FBXO44: variants seen among roughly 807,000 people sequenced by gnomAD.
FBXO44 encodes F-box protein 44.
FBXO44 carries 25 observed loss-of-function variants against 33.5 expected under a neutral mutation model. The observed-to-expected ratio is 0.75, with a 90% CI of 0.54 to 1.04. FBXO44 has a LOEUF of 1.04. Ranked by LOEUF, FBXO44 falls within the 50% of genes least tolerant of loss-of-function variation. The pLI is 0.00. For missense variants in FBXO44, 311 were observed against 344.0 expected, an observed-to-expected ratio of 0.90 and a Z score of 0.76; for synonymous variants, 147 against 152.8, an observed-to-expected ratio of 0.96 and a Z score of 0.28.
chr1:11,656,124 A>C (rs756677016), intron 2 of FBXO44, 24 bp downstream of exon 2: 3 of 1,610,494 alleles, frequency 1.9e-6, no homozygotes, highest in Non-Finnish European at 2.5e-6. Context: ...CGGGTCTGGC[A>C]TGCCTCCAGT....
intron 1 of FBXO44, 77 bp from the exon 2 acceptor site, chr1:11,655,729 A>C (rs1429639527): frequency 1.4e-6 from 2 of 1,480,242 alleles, no homozygotes; most frequent in Non-Finnish European, 1.8e-6. Context: ...AGAAGGAAAC[A>C]GGCTGGGAGA....
rs1010736670 is a variant in FBXO44 at position 11,662,801 on chromosome 1, C to T, written c.*1528C>T. The T allele has an allele frequency of 1.3e-5, 2 of 152,172 alleles. No individual in the cohort carries two copies. Among genetic ancestry groups the T allele is most frequent in the Non-Finnish European group, 2.9e-5 (2 of 68,056 alleles). The allele number at this position is 152,172 out of a possible 1,614,324, so 9.4% of individuals were successfully genotyped here. On this transcript the variant is annotated 3_prime_UTR_variant, in exon 6 of 6. Transcript: ENST00000251547. ...ATTATGGGAGCGGTTTTCCCCCATGCTGTTCTCATGATAGTGAGTGAGTTC... is the reference window on the plus strand; with the variant it reads ...ATTATGGGAGCGGTTTTCCCCCATGTTGTTCTCATGATAGTGAGTGAGTTC...
rs550877411 is a variant in FBXO44, at chr1:11,661,241, A to C, written c.736A>C (p.Ser246Arg). The change falls in exon 6 of 6, where the codon AGC (serine) becomes CGC (arginine). Residue 246 changes from serine (S) to arginine (R), a missense_variant. Ser to Arg is a moderately radical substitution (Grantham distance 110). Transcript: ENST00000251547. This position sits in a 1 kb window ranked among gnomAD's most constrained non-coding sequence, Gnocchi z 4.4. ...AGWYGPRVTN[S>R]SITIGPPLP ...CTGGTACGGCCCGAGGGTCACCAAC[A>C]GCAGCATCACCATCGGGCCCCCGCT... is the stretch of plus-strand genomic sequence containing the variant. The C allele has an allele frequency of 1.9e-6, 3 of 1,614,158 alleles. No homozygotes were observed. Among genetic ancestry groups the C allele is most frequent in the African/African-American group, 1.3e-5 (1 of 75,048 alleles).
chr1:11,659,009 T>C, intron 5 of FBXO44, 138 bp downstream of exon 5: 1 of 1,170,068 alleles, frequency 8.5e-7, no homozygotes, highest in Non-Finnish European at 1.2e-6. Context: ...TCGCTGTTTC[T>C]GTAAAATGGG....
chr1:11,654,434 C>G (rs998176602), upstream of FBXO44: 63 of 1,243,286 alleles, frequency 5.1e-5, no homozygotes, highest in East Asian at 1.0e-3. Flanking sequence ...GCGTCTGTGT[C>G]GGTCCCGGCG....
In FBXO44 at chr1:11,661,573, G is replaced by C. The variant is rs1640193596; in HGVS notation, c.*300G>C. 1 of 406,924 alleles carries C rather than the reference G, an allele frequency of 2.5e-6. No individual in the cohort carries two copies. The highest frequency in any genetic ancestry group is 7.0e-5 in the South Asian group (1 of 14,318). The allele number at this position is 406,924 out of a possible 1,614,324, so 25.2% of individuals were successfully genotyped here. A position where few individuals can be genotyped will look rare whatever the true frequency, so the allele number is the denominator to read the frequency against. On this transcript the variant is annotated 3_prime_UTR_variant, in exon 6 of 6. Transcript: ENST00000251547. The surrounding 1 kb of genome is among the most constrained non-coding windows in gnomAD (Gnocchi z 4.4). ...CATGTTCCCCTGGGCCCCTCAGAAA[G>C]TCGAGCTTGGAGGCCAGCCTGGATC...
Position 11,658,876 on chromosome 1 carries a change from G to A in FBXO44, c.624+5G>A, listed in dbSNP as rs111261340. On this transcript the variant is annotated splice_donor_5th_base_variant and intron_variant, in intron 5 of 5. Transcript: ENST00000251547. ...AGCGATGCCAAGTGGAGGGAGGTGC[G>A]TGGGCCTGGGGGACGGGGGCAGAGG... The A allele has an allele frequency of 8.7e-5, 140 of 1,604,856 alleles. No homozygotes were observed. The African/African-American group carries it at 9.2e-4, about 11-fold the overall frequency.
intron 5 of FBXO44, among the ~76,000 whole-genome samples, chr1:11,660,551 T>G (rs558714198): frequency 3.7e-4 from 56 of 152,362 alleles, no homozygotes; most frequent in Non-Finnish European, 6.9e-4. Flanking sequence ...TCCATTCCTT[T>G]GGGCTGAATG....
At chr1:11,655,237 G>A (rs1639695875) in intron 1 of FBXO44, 1 of 145,302 alleles carries the variant, frequency 6.9e-6, no homozygotes, top group Non-Finnish European at 1.5e-5. Flanking sequence ...GGGGCTGGCG[G>A]AGCCCAGCCG....
rs1178325983 is a variant in FBXO44 at position 11,658,269 on chromosome 1, G to A, written c.268G>A (p.Gly90Arg). ...TGTGAACTCTGCTTTTCCATCAGAG[G>A]GGTTCGAGTTCTGGAGCCTGGATGT... ...NLLHNPCAEE[G>R]FEFWSLDVNG... is the part of the protein sequence containing the mutation. Residue 90 changes from glycine to arginine, a missense_variant and splice_region_variant, in exon 3 of 6, where the codon GGG becomes AGG. Gly to Arg is a moderately radical substitution (Grantham distance 125, BLOSUM62 -2). Transcript: ENST00000251547. The A allele has an allele frequency of 6.2e-7, 1 of 1,613,778 alleles. No homozygotes were observed. The highest frequency in any genetic ancestry group is 2.2e-5 in the East Asian group (1 of 44,878).
rs1211034523 is a variant in FBXO44, at chr1:11,662,683, G to A, written c.*1410G>A. On this transcript the variant is annotated 3_prime_UTR_variant, in exon 6 of 6. Transcript: ENST00000251547. ...GAATGGTGCCTGGCACACAGTTGGT[G>A]CGTGATATGGTTAAGCTTTGTGTCC... The A allele has an allele frequency of 2.0e-5, 3 of 152,274 alleles. No homozygotes were observed. Among genetic ancestry groups the A allele is most frequent in the African/African-American group, 4.8e-5 (2 of 41,458 alleles). 9.4% of individuals were successfully genotyped at this position (152,274 alleles called of 1,614,324 possible). A position where few individuals can be genotyped will look rare whatever the true frequency, so the allele number is the denominator to read the frequency against.
In FBXO44 at chr1:11,655,727, A is replaced by G. The variant is rs758338271; in HGVS notation, c.-30-79A>G. ...AAGGCATCCATTTACAGAGAAGGAA[A>G]CAGGCTGGGAGAGGCACCATGCTCT... is the stretch of plus-strand genomic sequence containing the variant. On this transcript the variant is annotated intron_variant, in intron 1 of 5. Transcript: ENST00000251547. 44 of 1,470,474 alleles carry G rather than the reference A, an allele frequency of 3.0e-5. No homozygotes were observed. In the Admixed American group the frequency reaches 8.3e-4, roughly 28 times the overall value. The allele number at this position is 1,470,474 out of a possible 1,614,324, so 91.1% of individuals were successfully genotyped here.
At chr1:11,654,821 CGCGGG>C (rs923799310), upstream of FBXO44, 3 of 109,118 alleles carry the variant, frequency 2.7e-5, no homozygotes, top group East Asian at 6.0e-4. Context: ...CCCAGCGCTG[CGCGGG>C]GCGGGGCGCG....
chr1:11,660,361 T>C (rs892300409), intron 5 of FBXO44, among the ~76,000 whole-genome samples: 1 of 152,186 alleles, frequency 6.6e-6, no homozygotes, highest in African/African-American at 2.4e-5. Context: ...GGTTTCTCCA[T>C]GTTGGTCAGG....
At chr1:11,656,145 G>T in intron 2 of FBXO44, 45 bp downstream of exon 2, 1 of 1,600,042 alleles carries the variant, frequency 6.2e-7, no homozygotes, top group South Asian at 1.1e-5. Flanking sequence ...ACACAGTCAT[G>T]ACACCAGGAA....
chr1:11,661,142 T>G lies in FBXO44; in HGVS notation c.637T>G (p.Phe213Val). Reference protein sequence around the residue: ...DAKWREVSHTFSNYPPGVRYI... With the variant: ...DAKWREVSHTVSNYPPGVRYI... ...CCTGCCCTGCCAGGTCTCCCACACA[T>G]TCTCCAACTACCCGCCCGGCGTCCG... The change falls in exon 6 of 6, where the codon TTC becomes GTC. Residue 213 changes from phenylalanine to valine, a missense_variant. Phe to Val is a conservative substitution (Grantham distance 50). Coordinates refer to ENST00000251547, the MANE Select transcript of FBXO44 (RefSeq NM_033182.7). This position sits in a 1 kb window ranked among gnomAD's most constrained non-coding sequence, Gnocchi z 4.4. The G allele has an allele frequency of 1.9e-6, 3 of 1,613,120 alleles. No homozygotes were observed. The highest frequency in any genetic ancestry group is 1.7e-6 in the Non-Finnish European group (2 of 1,179,338).
At chr1:11,656,186 A>G in intron 2 of FBXO44, 86 bp downstream of exon 2, 1 of 1,541,814 alleles carries the variant, frequency 6.5e-7, no homozygotes, top group South Asian at 1.2e-5. Flanking sequence ...TGAGCCGGGT[A>G]CTTTGGATGG....
chr1:11,654,447 C>A (rs1484779122), upstream of FBXO44: 1 of 1,200,082 alleles, frequency 8.3e-7, no homozygotes, highest in Non-Finnish European at 1.1e-6. Flanking sequence ...TCCCGGCGAC[C>A]GCGCCTCTTA....
chr1:11,659,201 A>G (rs577270052), intron 5 of FBXO44, among the ~76,000 whole-genome samples: 3 of 152,340 alleles, frequency 2.0e-5, no homozygotes, highest in Admixed American at 6.5e-5. Flanking sequence ...CAGCCTGACC[A>G]ACAGGGAGAA....
Sources: gnomAD v4.1 joint callset for allele counts (sites outside exome capture counted in the v4.1 genomes callset) on GRCh38, gnomAD v4.1.1 for gene constraint, Gnocchi (gnomAD v3.1) non-coding constraint, MANE v1.5 for transcripts, NCBI Gene and HGNC (gene_info 2026-07-23, HGNC 2026-07-21) for gene names.